WASF3: variants seen among roughly 807,000 people sequenced by gnomAD.
The protein encoded by WASF3 is actin-binding protein WASF3.
A neutral mutation model predicts 46.6 loss-of-function variants in WASF3; 11 were observed. The observed-to-expected ratio is 0.24, with a 90% CI of 0.15 to 0.39. The LOEUF is 0.39. Among genes scored for constraint, WASF3 ranks in the 10% least tolerant of loss-of-function variants. The pLI, the probability that WASF3 is intolerant of heterozygous loss-of-function variation, is 1.00. For synonymous variants in WASF3, 242 were observed against 259.7 expected (o/e 0.93, Z 0.65); for missense variants, 576 against 669.8 (o/e 0.86, Z 1.55).
At chr13:26,662,858 C>T (rs1459336060) in intron 3 of WASF3, among the ~76,000 whole-genome samples, 1 of 116,092 alleles carries the variant, frequency 8.6e-6, no homozygotes, top group African/African-American at 3.1e-5. Context: ...GTGCACAGGG[C>T]CCTCTGTGTC....
intron 3 of WASF3, among the ~76,000 whole-genome samples, chr13:26,647,302 A>T (rs1438322645): frequency 6.6e-6 from 1 of 152,188 alleles, no homozygotes; most frequent in Non-Finnish European, 1.5e-5. Context: ...CTTCTGATAC[A>T]GTACAGTGTG....
chr13:26,658,436 G>A (rs1882530053), intron 3 of WASF3, among the ~76,000 whole-genome samples: 1 of 152,194 alleles, frequency 6.6e-6, no homozygotes, highest in African/African-American at 2.4e-5. Context: ...TCTGAAAGAT[G>A]TTATTAGGCG....
intron 2 of WASF3, among the ~76,000 whole-genome samples, chr13:26,636,693 C>G (rs1313337030): frequency 6.6e-6 from 1 of 152,198 alleles, no homozygotes; most frequent in Non-Finnish European, 1.5e-5. Context: ...TCTGCTGGGT[C>G]ATACAGCCTT....
At position 26,576,860 on chromosome 13, in the gene WASF3, G is replaced by A. The variant is rs73166024; in HGVS notation, c.-109+19041G>A. 1,608 of 624,154 alleles carry A rather than the reference G, an allele frequency of 2.6e-3. 7 individuals carry two copies. The highest frequency in any genetic ancestry group is 3.2e-3 in the Non-Finnish European group (1,165 of 366,054). The allele number at this position is 624,154 out of a possible 1,614,324, so 38.7% of individuals were successfully genotyped here. A position where few individuals can be genotyped will look rare whatever the true frequency, so the allele number is the denominator to read the frequency against. ...GTAACTATAGTATAATATCAAAACC[G>A]CCCTTTTGGCTCTCTGAGCAGCACC... On this transcript the variant is annotated intron_variant, in intron 1 of 9. Transcript: ENST00000335327.
intron 3 of WASF3, among the ~76,000 whole-genome samples, chr13:26,651,077 C>G (rs903106478): frequency 2.6e-5 from 4 of 152,050 alleles, no homozygotes; most frequent in African/African-American, 9.7e-5. Flanking sequence ...AATAAAATTG[C>G]TAAGGAGGCC....
chr13:26,644,249 A>C (rs1442263233), intron 3 of WASF3, among the ~76,000 whole-genome samples: 1 of 152,244 alleles, frequency 6.6e-6, no homozygotes, highest in Non-Finnish European at 1.5e-5. Context: ...ATCTGCCCGT[A>C]CATTAGTTTT....
chr13:26,649,590 AG>A (rs1447044143), intron 3 of WASF3, among the ~76,000 whole-genome samples: 1 of 152,200 alleles, frequency 6.6e-6, no homozygotes, highest in Non-Finnish European at 1.5e-5. Context: ...GAACCGTTTC[AG>A]GGTTGCAGAA....
Position 26,592,113 on chromosome 13 carries a change from G to A in WASF3, c.-108-20848G>A, listed in dbSNP as rs1880321243. Reference sequence around the variant, plus strand: ...GATTTCTGGACCAATAAGCTTTGCTGAACTGCAGTTTTAATGAAGTTCATG... The same window carrying A: ...GATTTCTGGACCAATAAGCTTTGCTAAACTGCAGTTTTAATGAAGTTCATG... On this transcript the variant is annotated intron_variant, in intron 1 of 9. Coordinates refer to ENST00000335327, the MANE Select transcript of WASF3 (RefSeq NM_006646.6). Among the ~76,000 whole-genome samples, 7 of 144,678 alleles carry A rather than the reference G, an allele frequency of 4.8e-5. No homozygotes were observed. The South Asian group carries it at 1.6e-3, about 32-fold the overall frequency. 94.9% of individuals were successfully genotyped at this position (144,678 alleles called of 152,430 possible).
At chr13:26,642,657 G>T (rs938743774) in intron 3 of WASF3, among the ~76,000 whole-genome samples, 1 of 152,126 alleles carries the variant, frequency 6.6e-6, no homozygotes, top group African/African-American at 2.4e-5. Context: ...ATTTAAAATA[G>T]TGTTAATTTT....
chr13:26,555,485 T>C (rs1321969161), upstream of WASF3, among the ~76,000 whole-genome samples: 5 of 152,120 alleles, frequency 3.3e-5, no homozygotes, highest in Admixed American at 6.5e-5. Context: ...AAGGTGGTCA[T>C]GTGACATGTG....
At chr13:26,609,762 A>C (rs1315693166) in intron 1 of WASF3, among the ~76,000 whole-genome samples, 1 of 152,118 alleles carries the variant, frequency 6.6e-6, no homozygotes, top group African/African-American at 2.4e-5. Flanking sequence ...GTCCTTAAAG[A>C]TTACCCAGTC....
At chr13:26,667,090 T>G (rs1882797665) in intron 4 of WASF3, among the ~76,000 whole-genome samples, 1 of 152,216 alleles carries the variant, frequency 6.6e-6, no homozygotes, top group Admixed American at 6.5e-5. Context: ...AATGTGTTAT[T>G]TCCATTTGTG....
the WASF3 span, among the ~76,000 whole-genome samples, chr13:26,550,179 G>A: frequency 6.6e-6 from 1 of 152,134 alleles, no homozygotes; most frequent in Non-Finnish European, 1.5e-5. Context: ...ACAAACTGGG[G>A]GAGGGTCTAT....
Position 26,686,545 on chromosome 13 carries a change from C to T in WASF3, c.*700C>T, listed in dbSNP as rs948569421. Reference sequence around the variant, plus strand: ...TGATGGTTTTTGCAAGAGAATTCAGCAGCTCAACAGTAATGAAAGTGAAGA... The same window carrying T: ...TGATGGTTTTTGCAAGAGAATTCAGTAGCTCAACAGTAATGAAAGTGAAGA... On this transcript the variant is annotated 3_prime_UTR_variant, in exon 10 of 10. Transcript: ENST00000335327. The T allele has an allele frequency of 6.6e-5, 10 of 152,238 alleles. No homozygotes were observed. Among genetic ancestry groups the T allele is most frequent in the African/African-American group, 2.4e-4 (10 of 41,452 alleles). The allele number at this position is 152,238 out of a possible 1,614,324, so 9.4% of individuals were successfully genotyped here. A position where few individuals can be genotyped will look rare whatever the true frequency, so the allele number is the denominator to read the frequency against.
intron 2 of WASF3, among the ~76,000 whole-genome samples, chr13:26,627,825 A>G (rs1881515736): frequency 6.6e-6 from 1 of 151,958 alleles, no homozygotes; most frequent in Admixed American, 6.6e-5. Flanking sequence ...AGCATGGAAC[A>G]TGTATACATA....
chr13:26,576,819 A>G, intron 1 of WASF3: 2 of 443,526 alleles, frequency 4.5e-6, no homozygotes, highest in Non-Finnish European at 8.0e-6. Flanking sequence ...AGCTTCCTCC[A>G]GTGGTAACAT....
chr13:26,653,489 C>T (rs1050655661), intron 3 of WASF3, among the ~76,000 whole-genome samples: 3 of 152,210 alleles, frequency 2.0e-5, no homozygotes, highest in African/African-American at 7.2e-5. Context: ...TTGGCATGAC[C>T]AGTGACTCGC....
At chr13:26,611,031 CT>C (rs71080282) in intron 1 of WASF3, among the ~76,000 whole-genome samples, 97 of 110,540 alleles carry the variant, frequency 8.8e-4, no homozygotes, top group Middle Eastern at 5.7e-3. Context: ...TTACTTACTC[CT>C]TTTTTTTTTT....
Position 26,686,833 on chromosome 13 carries a change from A to G in WASF3, c.*988A>G, listed in dbSNP as rs917185380. On this transcript the variant is annotated 3_prime_UTR_variant, in exon 10 of 10. Transcript: ENST00000335327. ...AGCAACAGAGAGCACTTTAGATGGC[A>G]CCTTTCACCACTTGGTCAGAATTTT... The G allele has an allele frequency of 2.6e-5, 4 of 152,250 alleles. No individual in the cohort carries two copies. Among genetic ancestry groups the G allele is most frequent in the Non-Finnish European group, 5.9e-5 (4 of 68,070 alleles). 9.4% of individuals were successfully genotyped at this position (152,250 alleles called of 1,614,324 possible).
Sources: gnomAD v4.1 joint callset for allele counts (sites outside exome capture counted in the v4.1 genomes callset) on GRCh38, gnomAD v4.1.1 for gene constraint, MANE v1.5 for transcripts, NCBI Gene and HGNC (gene_info 2026-07-23, HGNC 2026-07-21) for gene names.